LRRC7: variants seen among roughly 807,000 people sequenced by gnomAD.
The protein encoded by LRRC7 is leucine rich repeat containing 7.
A neutral mutation model predicts 175.7 loss-of-function variants in LRRC7; 23 were observed. The ratio of observed to expected loss-of-function variants is 0.13; its 90% confidence interval spans 0.09 to 0.19. LRRC7 has a LOEUF of 0.19. Among genes scored for constraint, LRRC7 ranks in the 10% least tolerant of loss-of-function variants. The pLI, the probability that LRRC7 is intolerant of heterozygous loss-of-function variation, is 1.00. For missense variants in LRRC7, 1,354 were observed against 1,904.7 expected, an observed-to-expected ratio of 0.71 and a Z score of 5.38; for synonymous variants, 685 against 680.9, an observed-to-expected ratio of 1.01 and a Z score of -0.09.
At chr1:69,954,185 T>C (rs970571209) in intron 8 of LRRC7, among the ~76,000 whole-genome samples, 4 of 151,678 alleles carry the variant, frequency 2.6e-5, no homozygotes, top group East Asian at 1.9e-4. Flanking sequence ...TTTGGATAGG[T>C]GGGGAGGGGA....
At chr1:70,099,775 G>T (rs576716837) in intron 25 of LRRC7, among the ~76,000 whole-genome samples, 1 of 152,150 alleles carries the variant, frequency 6.6e-6, no homozygotes, top group South Asian at 2.1e-4. Context: ...TATGTTATTT[G>T]TGAAGCTGAG....
Position 69,887,876 on chromosome 1 carries a change from T to A in LRRC7, c.648-43631T>A, listed in dbSNP as rs28803839. On this transcript the variant is annotated intron_variant, in intron 7 of 26. Transcript: ENST00000651989. The stretch of plus-strand genomic sequence containing the variant: ...CTGCAGGTCTGTTGGAATACCCTGC[T>A]GTGTGAGGTGTCAGTGTGCCCCTGC... Among the ~76,000 whole-genome samples the A allele has an allele frequency of 6.2e-3, 897 of 144,972 alleles. 13 individuals are homozygous for A. Among genetic ancestry groups the A allele is most frequent in the African/African-American group, 0.023 (844 of 36,136 alleles).
chr1:69,951,803 G>C (rs547424551), intron 8 of LRRC7, among the ~76,000 whole-genome samples: 1 of 152,176 alleles, frequency 6.6e-6, no homozygotes, highest in Admixed American at 6.6e-5. Context: ...TGGAGGGTGG[G>C]AGAAGGGAGA....
At chr1:70,027,655 A>C (rs1170255555) in intron 17 of LRRC7, among the ~76,000 whole-genome samples, 1 of 152,116 alleles carries the variant, frequency 6.6e-6, no homozygotes, top group Non-Finnish European at 1.5e-5. Context: ...ACACTAACTA[A>C]CAGAAGGCTA....
chr1:70,081,365 T>C (rs1663198237), intron 24 of LRRC7, among the ~76,000 whole-genome samples: 1 of 152,240 alleles, frequency 6.6e-6, no homozygotes, highest in African/African-American at 2.4e-5. Context: ...ATAGTATAGA[T>C]GCCAAAGCAG....
At chr1:69,893,279 C>A (rs575142972) in intron 7 of LRRC7, among the ~76,000 whole-genome samples, 183 of 152,222 alleles carry the variant, frequency 1.2e-3, no homozygotes, top group African/African-American at 4.2e-3. Context: ...GTTTCTTTTG[C>A]ATTTCCTAAG....
chr1:69,872,493 A>T (rs1043867513), intron 7 of LRRC7, among the ~76,000 whole-genome samples: 1 of 152,050 alleles, frequency 6.6e-6, no homozygotes, highest in Non-Finnish European at 1.5e-5. Context: ...TTCTTAAATT[A>T]AAAAGGTGGT....
At chr1:69,611,728 A>C (rs1648767009) in intron 1 of LRRC7, among the ~76,000 whole-genome samples, 1 of 152,076 alleles carries the variant, frequency 6.6e-6, no homozygotes, top group Non-Finnish European at 1.5e-5. Context: ...GTACTTCAGC[A>C]CTATGTTTGA....
At chr1:69,796,711 T>TTGAACCTAGGAGGCGGAGGTTGCGG (rs1675819475) in intron 4 of LRRC7, among the ~76,000 whole-genome samples, 1 of 151,970 alleles carries the variant, frequency 6.6e-6, no homozygotes, top group East Asian at 1.9e-4. Flanking sequence ...GGAGAATCGC[T>TTGAACCTAGGAGGCGGAGGTTGCGG]TGAACCTAGG....
At chr1:69,924,760 C>A (rs192087141) in intron 7 of LRRC7, among the ~76,000 whole-genome samples, 1 of 152,232 alleles carries the variant, frequency 6.6e-6, no homozygotes, top group Admixed American at 6.5e-5. Context: ...GACAATTTGA[C>A]TTCCTCTTTT....
intron 1 of LRRC7, among the ~76,000 whole-genome samples, chr1:69,590,604 A>G (rs1646591791): frequency 1.3e-5 from 2 of 152,260 alleles, no homozygotes; most frequent in Non-Finnish European, 2.9e-5. Flanking sequence ...AACACATATA[A>G]AAGAGACTGC....
chr1:69,601,353 TG>T lies in LRRC7; in HGVS notation c.2+32714del, dbSNP rs532330729. 1.9e-4 allele frequency among the ~76,000 whole-genome samples: 29 copies of T among 152,338 alleles called. No homozygotes were observed. The South Asian group carries it at 5.8e-3, about 30-fold the overall frequency. On this transcript the variant is annotated intron_variant, in intron 1 of 26. Transcript: ENST00000651989. ...TTTCCAACTCTAATCCATTACTGCG[TG>T]GATCATTCTAGCCTCCCCCTTTTGC...
chr1:69,939,043 A>C (rs1342043443), intron 8 of LRRC7, among the ~76,000 whole-genome samples: 25 of 64,886 alleles, frequency 3.9e-4, no homozygotes, highest in African/African-American at 8.8e-4. Flanking sequence ...ATATATATCT[A>C]TATCTATCTC....
intron 7 of LRRC7, among the ~76,000 whole-genome samples, chr1:69,885,295 C>G (rs1357707207): frequency 1.4e-5 from 2 of 144,198 alleles, no homozygotes; most frequent in African/African-American, 2.7e-5. Flanking sequence ...AATTTCAGCT[C>G]CTGTTATTGG....
chr1:69,645,935 A>G (rs1457215971), intron 1 of LRRC7, among the ~76,000 whole-genome samples: 1 of 152,094 alleles, frequency 6.6e-6, no homozygotes, highest in Non-Finnish European at 1.5e-5. Context: ...CAGATTGCAA[A>G]TTCCTCAAGG....
intron 7 of LRRC7, among the ~76,000 whole-genome samples, chr1:69,881,545 A>T (rs576760179): frequency 1.5e-4 from 23 of 152,254 alleles, no homozygotes; most frequent in African/African-American, 4.3e-4. Flanking sequence ...GACTAACTCA[A>T]ACAAAAAGGT....
chr1:69,852,265 CT>C (rs1324380648), intron 7 of LRRC7, among the ~76,000 whole-genome samples: 1 of 151,990 alleles, frequency 6.6e-6, no homozygotes, highest in Non-Finnish European at 1.5e-5. Context: ...ATTCATTCGT[CT>C]TTATTTTGGC....
rs769355251 is a variant in LRRC7, at chr1:70,076,173, A to G, written c.4327A>G (p.Ile1443Val). 1 of 1,614,070 alleles carries G rather than the reference A, an allele frequency of 6.2e-7. No individual in the cohort carries two copies. Among genetic ancestry groups the G allele is most frequent in the Non-Finnish European group, 8.5e-7 (1 of 1,179,970 alleles). ...PYEGNINKVT[I>V]QQFQSPLPIQ... ...TGAAGGAAATATAAACAAAGTGACC[A>G]TCCAGCAATTTCAGTCACCATTGCC... Residue 1443 changes from isoleucine (I) to valine (V), a missense_variant, in exon 24 of 27, where the codon ATC becomes GTC. By Grantham distance (29) the Ile-to-Val change is conservative (BLOSUM62 3). Coordinates refer to ENST00000651989, the MANE Select transcript of LRRC7 (RefSeq NM_001370785.2).
At chr1:69,580,771 T>C (rs1431970724) in intron 1 of LRRC7, among the ~76,000 whole-genome samples, 1 of 152,200 alleles carries the variant, frequency 6.6e-6, no homozygotes, top group African/African-American at 2.4e-5. Flanking sequence ...TACAGTCTAA[T>C]GGTATAGACA....
Sources: gnomAD v4.1 joint callset for allele counts (sites outside exome capture counted in the v4.1 genomes callset) on GRCh38, gnomAD v4.1.1 for gene constraint, MANE v1.5 for transcripts, NCBI Gene and HGNC (gene_info 2026-07-23, HGNC 2026-07-21) for gene names.